Variants in PCDHA4 observed in about 807,000 individuals in gnomAD.
The protein encoded by PCDHA4 is protocadherin alpha 4.
A neutral mutation model predicts 61.4 loss-of-function variants in PCDHA4; 49 were observed. That is an observed-to-expected ratio of 0.80 (90% confidence interval 0.63 to 1.01). The LOEUF (loss-of-function observed/expected upper bound fraction) is 1.01, where lower values mean the gene tolerates loss of function less well. Ranked by LOEUF, PCDHA4 falls within the 50% of genes least tolerant of loss-of-function variation. The probability of loss-of-function intolerance (pLI) is 0.00; values close to 1 mark genes in which losing one functional copy is unlikely to be tolerated. For missense variants in PCDHA4, 1,254 were observed against 1,235.8 expected (o/e 1.01, Z -0.22); for synonymous variants, 590 against 550.3 (o/e 1.07, Z -1.01).
chr5:140,875,517 G>A (rs2055556431), intron 1 of PCDHA4: 7 of 1,614,024 alleles, frequency 4.3e-6, no homozygotes, highest in Non-Finnish European at 5.9e-6. Flanking sequence ...AGCGTCTGCT[G>A]CTCTCGCTTC....
At chr5:140,827,966 G>T in intron 1 of PCDHA4, 1 of 1,337,492 alleles carries the variant, frequency 7.5e-7, no homozygotes, top group Non-Finnish European at 1.0e-6. Flanking sequence ...TTCTATTACT[G>T]CATCATTCCC....
Position 140,877,055 on chromosome 5 carries a change from T to C in PCDHA4, c.2385+67483T>C, listed in dbSNP as rs566250084. 7 of 1,612,792 alleles carry C rather than the reference T, an allele frequency of 4.3e-6. No homozygotes were observed. The Admixed American group carries it at 5.0e-5, about 12-fold the overall frequency. On this transcript the variant is annotated intron_variant, in intron 1 of 3. Coordinates refer to ENST00000530339, the MANE Select transcript of PCDHA4 (RefSeq NM_018907.4). ...CTGCAGCCGCTAGACCACGAGGAGC[T>C]GGAGCTGCTGCAGTTCCAGGTGAGC... is the stretch of plus-strand genomic sequence containing the variant.
intron 1 of PCDHA4, among the ~76,000 whole-genome samples, chr5:140,940,805 A>G (rs957278090): frequency 6.6e-6 from 1 of 152,202 alleles, no homozygotes. Context: ...ATTTGCCAGG[A>G]TATCCTGAGA....
chr5:140,870,608 C>A (rs1408684171), intron 1 of PCDHA4: 1 of 1,613,106 alleles, frequency 6.2e-7, no homozygotes, highest in African/African-American at 1.3e-5. Flanking sequence ...GGCGACCGCG[C>A]GCTGTCGAGC....
intron 3 of PCDHA4, among the ~76,000 whole-genome samples, chr5:141,006,105 G>GTT (rs79904017): frequency 1.9e-4 from 27 of 143,364 alleles, no homozygotes; most frequent in Middle Eastern, 3.8e-3. Flanking sequence ...ATGGTAAGGA[G>GTT]TTTTTTTTTT....
intron 1 of PCDHA4, among the ~76,000 whole-genome samples, chr5:140,874,488 A>G (rs1452122658): frequency 2.0e-5 from 3 of 152,254 alleles, no homozygotes; most frequent in African/African-American, 7.2e-5. Flanking sequence ...CAAAAGGTTG[A>G]TATCAAGTTC....
intron 1 of PCDHA4, chr5:140,863,089 A>C: frequency 3.5e-6 from 2 of 575,052 alleles, no homozygotes; most frequent in Non-Finnish European, 6.9e-6. Context: ...CGAGATCAGC[A>C]CGACGAGTAC....
intron 1 of PCDHA4, chr5:140,875,861 C>T (rs2055878739): frequency 6.2e-7 from 1 of 1,614,020 alleles, no homozygotes; most frequent in Non-Finnish European, 8.5e-7. Context: ...AACGACAACC[C>T]GCCGGTGTTC....
intron 1 of PCDHA4, chr5:140,871,411 G>A: frequency 6.2e-7 from 1 of 1,614,056 alleles, no homozygotes; most frequent in Non-Finnish European, 8.5e-7. Flanking sequence ...GGACCTCATG[G>A]CCTTCAGCCC....
At chr5:140,846,552 T>G (rs1445405487) in intron 1 of PCDHA4, among the ~76,000 whole-genome samples, 2 of 148,312 alleles carry the variant, frequency 1.3e-5, no homozygotes, top group African/African-American at 4.9e-5. Context: ...TTTTTTGTAT[T>G]TTTAGTAGAG....
chr5:140,848,637 A>G, intron 1 of PCDHA4: 1 of 1,593,240 alleles, frequency 6.3e-7, no homozygotes, highest in Non-Finnish European at 8.6e-7. Context: ...CGTGGGCCGC[A>G]TCGCGCAGGA....
intron 3 of PCDHA4, among the ~76,000 whole-genome samples, chr5:140,987,811 C>CT (rs1444999429): frequency 6.6e-6 from 1 of 152,100 alleles, no homozygotes; most frequent in East Asian, 1.9e-4. Flanking sequence ...GTGCCTGTCT[C>CT]TTTGTTTCCT....
Position 140,862,663 on chromosome 5 carries a change from G to A in PCDHA4, c.2385+53091G>A, listed in dbSNP as rs1181876695. ...CACAGTGTCCGCGCGGGACCGGGAC[G>A]CGCAGGAGAACGTGCTGGTGTCCTA... On this transcript the variant is annotated intron_variant, in intron 1 of 3. Coordinates refer to ENST00000530339, the MANE Select transcript of PCDHA4 (RefSeq NM_018907.4). The A allele has an allele frequency of 1.5e-5, 8 of 547,042 alleles. No individual in the cohort carries two copies. In the East Asian group the frequency reaches 4.0e-4, roughly 27 times the overall value. The allele number at this position is 547,042 out of a possible 1,614,324, so 33.9% of individuals were successfully genotyped here.
intron 1 of PCDHA4, chr5:140,823,665 C>T (rs2150128070): frequency 1.2e-6 from 2 of 1,614,048 alleles, no homozygotes; most frequent in South Asian, 1.1e-5. Context: ...CAGGCGAGAT[C>T]AGCACAACAC....
intron 1 of PCDHA4, chr5:140,822,714 C>G: frequency 6.2e-7 from 1 of 1,610,946 alleles, no homozygotes; most frequent in Non-Finnish European, 8.5e-7. Context: ...AAGACTATAA[C>G]TCATATGAAA....
At chr5:140,810,598 G>A (rs200197617) in intron 1 of PCDHA4, 2 of 151,742 alleles carry the variant, frequency 1.3e-5, no homozygotes, top group East Asian at 3.9e-4. Flanking sequence ...TTTTATTTTG[G>A]CAATTTTTAT....
intron 1 of PCDHA4, among the ~76,000 whole-genome samples, chr5:140,886,246 A>G (rs1337527671): frequency 1.3e-5 from 2 of 152,144 alleles, no homozygotes; most frequent in Admixed American, 1.3e-4. Flanking sequence ...AAATAAATAA[A>G]AGTATCTCTA....
At position 140,884,316 on chromosome 5, in the gene PCDHA4, C is replaced by T. The variant is rs563652109; in HGVS notation, c.2385+74744C>T. The T allele has an allele frequency of 3.1e-6, 5 of 1,613,752 alleles. No individual in the cohort carries two copies. The East Asian group carries it at 8.9e-5, about 29-fold the overall frequency. On this transcript the variant is annotated intron_variant, in intron 1 of 3. Coordinates refer to ENST00000530339, the MANE Select transcript of PCDHA4 (RefSeq NM_018907.4). ...GCGCCACAGGCTTCGTCGAGGGCGT[C>T]GGCAGGCGCTGTGGGTCCAGAAGCG...
chr5:140,857,017 T>C (rs1432761936), intron 1 of PCDHA4: 1 of 1,596,216 alleles, frequency 6.3e-7, no homozygotes, highest in African/African-American at 1.3e-5. Flanking sequence ...ATGTTACAGA[T>C]AAGGGAAACC....
Sources: allele counts gnomAD v4.1 joint callset (sites outside exome capture counted in the v4.1 genomes callset), GRCh38; gene constraint gnomAD v4.1.1; transcripts MANE v1.5; gene names NCBI Gene and HGNC (gene_info 2026-07-23, HGNC 2026-07-21).